YARS1: variants seen among roughly 807,000 people sequenced by gnomAD.
YARS1 encodes the protein tyrosine--tRNA ligase, cytoplasmic.
In YARS1, 36 loss-of-function variants were observed where a neutral mutation model predicts 62.2. That is an observed-to-expected ratio of 0.58 (90% CI 0.44 to 0.76). The LOEUF is 0.76. Ranked by LOEUF, YARS1 falls within the 30% of genes least tolerant of loss-of-function variation. The probability of loss-of-function intolerance (pLI) is 0.00; values close to 1 mark genes in which losing one functional copy is unlikely to be tolerated. For missense variants in YARS1, 524 were observed against 639.8 expected (o/e 0.82, Z 1.95); for synonymous variants, 234 against 244.9 (o/e 0.96, Z 0.42).
chr1:32,785,898 T>C (rs77573475), intron 8 of YARS1, among the ~76,000 whole-genome samples: 98,499 of 150,642 alleles, frequency 0.65, 32,428 homozygotes, highest in East Asian at 0.79. Flanking sequence ...TTCTTTTTTT[T>C]TTTTTTTTTT....
Position 32,779,394 on chromosome 1 carries a change from G to A in YARS1, c.1464C>T (p.Phe488=), listed in dbSNP as rs780574093. Residue 488 remains phenylalanine (F), a synonymous_variant, in exon 12 of 13, where the codon TTC becomes TTT. Transcript: ENST00000373477. ...TACAGCTTTTTACCTGCAACTTCTC[G>A]AAGACTTTCTTCTTGGGCTTGAGCT... ...DEELKPKKKV[F]EKLQADFKIS... 72 of 1,614,042 alleles carry A rather than the reference G, an allele frequency of 4.5e-5. 1 individual carries two copies. The highest frequency in any genetic ancestry group is 4.0e-4 in the South Asian group (36 of 91,090).
chr1:32,786,175 A>C (rs1318474679), intron 8 of YARS1, among the ~76,000 whole-genome samples, 187 bp downstream of exon 8: 1 of 152,232 alleles, frequency 6.6e-6, no homozygotes, highest in Non-Finnish European at 1.5e-5. Flanking sequence ...GCTAACTGAC[A>C]AGAAACTTTA....
chr1:32,806,780 C>A (rs1212773508), intron 3 of YARS1, among the ~76,000 whole-genome samples, 169 bp from the exon 4 acceptor site: 1 of 152,148 alleles, frequency 6.6e-6, no homozygotes, highest in Non-Finnish European at 1.5e-5. Flanking sequence ...TCCCTTCTGG[C>A]AATGCATGCT....
chr1:32,795,087 A>C (rs1354109346), intron 5 of YARS1, among the ~76,000 whole-genome samples: 1 of 151,174 alleles, frequency 6.6e-6, no homozygotes, highest in Admixed American at 6.6e-5. Flanking sequence ...TGGGAGGCCA[A>C]GGTCGGAGGA....
At chr1:32,779,866 G>A (rs932443860) in intron 11 of YARS1, 1 of 645,374 alleles carries the variant, frequency 1.5e-6, no homozygotes, top group Non-Finnish European at 2.7e-6. Flanking sequence ...ACTGGTTTGA[G>A]CCCTCCATTT....
chr1:32,810,390 T>C (rs769013618), intron 3 of YARS1, among the ~76,000 whole-genome samples: 4 of 152,204 alleles, frequency 2.6e-5, no homozygotes, highest in African/African-American at 4.8e-5. Flanking sequence ...TAGGACAGTA[T>C]TAAGGCATTT....
At position 32,779,488 on chromosome 1, in the gene YARS1, G is replaced by A. The variant is rs765473645; in HGVS notation, c.1370C>T (p.Pro457Leu). The part of the protein sequence containing the change: ...GINRQVEPLD[P>L]PAGSAPGEHV... Reference sequence around the variant, plus strand: ...CTCACCAGGAGCAGAGCCTGCCGGAGGGTCCAGAGGTTCAACCTGGCGGTT... The same window carrying A: ...CTCACCAGGAGCAGAGCCTGCCGGAAGGTCCAGAGGTTCAACCTGGCGGTT... The change falls in exon 12 of 13, where the codon CCT becomes CTT. Residue 457 changes from proline to leucine, a missense_variant. Transcript: ENST00000373477. 3.7e-6 allele frequency: 6 copies of A among 1,614,228 alleles called. No homozygotes were observed. The highest frequency in any genetic ancestry group is 2.2e-5 in the East Asian group (1 of 44,882).
At position 32,786,952 on chromosome 1, in the gene YARS1, G is replaced by A. The variant is rs747747759; in HGVS notation, c.808C>T (p.Pro270Ser). 2 of 1,614,086 alleles carry A rather than the reference G, an allele frequency of 1.2e-6. No homozygotes were observed. Among genetic ancestry groups the A allele is most frequent in the South Asian group, 2.2e-5 (2 of 91,072 alleles). The change falls in exon 7 of 13, where the codon CCC (proline) becomes TCC (serine). Residue 270 changes from proline to serine, a missense_variant. Physicochemically the swap from Pro to Ser is moderately conservative, Grantham distance 74. Coordinates refer to ENST00000373477, the MANE Select transcript of YARS1 (RefSeq NM_003680.4). ...CAGAGAGTGTTACCGGACTTAAGGGGAAAAAGGACATGCTTGATGAAGGAC... is the reference window on the plus strand; with the variant it reads ...CAGAGAGTGTTACCGGACTTAAGGGAAAAAAGGACATGCTTGATGAAGGAC... ...VLSFIKHVLFPLKSEFVILRD... is the reference protein window; with the variant it reads ...VLSFIKHVLFSLKSEFVILRD...
At chr1:32,779,791 T>C in intron 11 of YARS1, 2 of 612,044 alleles carry the variant, frequency 3.3e-6, no homozygotes, top group Non-Finnish European at 2.9e-6. Flanking sequence ...GAGGACTTTA[T>C]AGACATCAAA....
chr1:32,803,793 G>A (rs1000008745), intron 4 of YARS1, among the ~76,000 whole-genome samples: 4 of 151,922 alleles, frequency 2.6e-5, no homozygotes, highest in African/African-American at 9.7e-5. Flanking sequence ...CGGAGAGGGG[G>A]ATTTGGCAGG....
At chr1:32,805,948 C>T (rs545301698) in intron 4 of YARS1, among the ~76,000 whole-genome samples, 7 of 152,074 alleles carry the variant, frequency 4.6e-5, no homozygotes, top group East Asian at 1.9e-4. Context: ...GGCGACACAG[C>T]GAGATTCCGT....
chr1:32,780,425 G>T, intron 10 of YARS1, 147 bp from the exon 11 acceptor site: 1 of 854,830 alleles, frequency 1.2e-6, no homozygotes, highest in Non-Finnish European at 1.9e-6. Context: ...CCACGTCCCA[G>T]ACAGCAGACA....
intron 4 of YARS1, among the ~76,000 whole-genome samples, chr1:32,803,086 G>T (rs1271822999): frequency 6.7e-6 from 1 of 149,604 alleles, no homozygotes; most frequent in Non-Finnish European, 1.5e-5. Context: ...GGGTTCAAGC[G>T]ACTGTCCTGC....
intron 4 of YARS1, 47 bp downstream of exon 4, chr1:32,806,435 A>G: frequency 6.2e-7 from 1 of 1,612,916 alleles, no homozygotes; most frequent in Non-Finnish European, 8.5e-7. Context: ...CCTGTCATCA[A>G]ACCAGAGCAG....
At chr1:32,806,743 T>TTA in intron 3 of YARS1, 132 bp from the exon 4 acceptor site, 3 of 1,247,092 alleles carry the variant, frequency 2.4e-6, no homozygotes, top group Non-Finnish European at 3.4e-6. Context: ...AAATATATTT[T>TTA]AATCACCAAC....
chr1:32,791,479 A>G (rs1004858547), intron 5 of YARS1, among the ~76,000 whole-genome samples: 3 of 152,172 alleles, frequency 2.0e-5, no homozygotes, highest in East Asian at 1.9e-4. Flanking sequence ...ATGTCACCAT[A>G]AACAACAATA....
intron 1 of YARS1, chr1:32,811,614 C>T (rs961825656): frequency 9.2e-5 from 15 of 163,584 alleles, no homozygotes; most frequent in African/African-American, 3.6e-4. Context: ...CTCCTCCTCC[C>T]CTTTCTAAAC....
At chr1:32,784,191 T>C (rs1232984775) in intron 8 of YARS1, among the ~76,000 whole-genome samples, 1 of 151,538 alleles carries the variant, frequency 6.6e-6, no homozygotes, top group Non-Finnish European at 1.5e-5. Flanking sequence ...TTTTTTTTTT[T>C]TTTTGTAGAG....
chr1:32,804,609 C>G (rs1638402963), intron 4 of YARS1, among the ~76,000 whole-genome samples: 1 of 151,526 alleles, frequency 6.6e-6, no homozygotes, highest in South Asian at 2.1e-4. Flanking sequence ...CGCGGCCGGA[C>G]AGAGGCGCTC....
Sources: gnomAD v4.1 joint callset for allele counts (sites outside exome capture counted in the v4.1 genomes callset) on GRCh38, gnomAD v4.1.1 for gene constraint, MANE v1.5 for transcripts, NCBI Gene and HGNC (gene_info 2026-07-23, HGNC 2026-07-21) for gene names.